Variants in OR2AJ1 observed in about 807,000 individuals in gnomAD.
OR2AJ1 encodes olfactory receptor 2AJ1.
For synonymous variants in OR2AJ1, 105 were observed against 60.3 expected, an observed-to-expected ratio of 1.74 and a Z score of -3.44; for missense variants, 280 against 163.2, an observed-to-expected ratio of 1.72 and a Z score of -3.90.
chr1:247,934,830 A>C lies in OR2AJ1; in HGVS notation c.*75A>C. 2 of 606,272 alleles carry C rather than the reference A, an allele frequency of 3.3e-6. No individual in the cohort carries two copies. Among genetic ancestry groups the C allele is most frequent in the Non-Finnish European group, 5.9e-6 (2 of 341,772 alleles). 37.6% of individuals were successfully genotyped at this position (606,272 alleles called of 1,614,324 possible). ...CTATCTTACCACATATAAGAAGTGA[A>C]TATTTCAGAAACATTGTTAATAATA... is the stretch of plus-strand genomic sequence containing the variant. On this transcript the variant is annotated 3_prime_UTR_variant, in exon 2 of 2. Coordinates refer to ENST00000318244, the MANE Select transcript of OR2AJ1 (RefSeq NM_001355235.2).
rs1434343802 is a variant in OR2AJ1, at chr1:247,934,664, C to T, written c.896C>T (p.Ala299Val). The change falls in exon 2 of 2, where the codon GCG becomes GTG. Residue 299 changes from alanine to valine, a missense_variant. By Grantham distance (64) the Ala-to-Val change is moderately conservative. Coordinates refer to ENST00000318244, the MANE Select transcript of OR2AJ1 (RefSeq NM_001355235.2). ...AGCTTTAGGAATAAAGATGTTCTGG[C>T]GGTGATGAAAAATATGCTCAAAAGT... ...IYSFRNKDVL[A>V]VMKNMLKSNF... The T allele has an allele frequency of 7.0e-6, 5 of 716,842 alleles. No homozygotes were observed. The highest frequency in any genetic ancestry group is 5.4e-5 in the East Asian group (2 of 37,282). The allele number at this position is 716,842 out of a possible 1,614,324, so 44.4% of individuals were successfully genotyped here.
chr1:247,931,208 T>A (rs746116981), intron 1 of OR2AJ1, among the ~76,000 whole-genome samples: 4 of 152,182 alleles, frequency 2.6e-5, no homozygotes, highest in Non-Finnish European at 4.4e-5. Flanking sequence ...CTCCAACATT[T>A]AATATTATTA....
chr1:247,926,936 G>A (rs1220432036), intron 1 of OR2AJ1, among the ~76,000 whole-genome samples: 1 of 152,200 alleles, frequency 6.6e-6, no homozygotes, highest in Non-Finnish European at 1.5e-5. Flanking sequence ...AGTGCTTGAT[G>A]AGGCTTGAGC....
At chr1:247,930,240 G>A (rs553671156) in intron 1 of OR2AJ1, among the ~76,000 whole-genome samples, 12 of 152,300 alleles carry the variant, frequency 7.9e-5, no homozygotes, top group African/African-American at 2.9e-4. Context: ...ACATTTGAAT[G>A]TCAAGTCATT....
intron 1 of OR2AJ1, among the ~76,000 whole-genome samples, chr1:247,931,818 T>C (rs1660155593): frequency 6.6e-6 from 1 of 152,330 alleles, no homozygotes; most frequent in East Asian, 1.9e-4. Context: ...GGAATTATGA[T>C]AATAAAGTAA....
At chr1:247,925,597 T>A (rs1299621870) in intron 1 of OR2AJ1, among the ~76,000 whole-genome samples, 1 of 151,234 alleles carries the variant, frequency 6.6e-6, no homozygotes, top group Non-Finnish European at 1.5e-5. Context: ...GCAAATTTTA[T>A]GAATTTTTTT....
In OR2AJ1 at chr1:247,934,145, T is replaced by C. The variant is rs2103007481; in HGVS notation, c.377T>C (p.Ile126Thr). 1 of 717,020 alleles carries C rather than the reference T, an allele frequency of 1.4e-6. No homozygotes were observed. Among genetic ancestry groups the C allele is most frequent in the Middle Eastern group, 2.3e-4 (1 of 4,376 alleles). The allele number at this position is 717,020 out of a possible 1,614,324, so 44.4% of individuals were successfully genotyped here. A position where few individuals can be genotyped will look rare whatever the true frequency, so the allele number is the denominator to read the frequency against. ...ATGTCCTGTGATCGCTATGTGGCTA[T>C]CTGTCACCCGCTGCGCTATCCGATT... is the stretch of plus-strand genomic sequence containing the variant. Reference protein sequence around the residue: ...AAMSCDRYVAICHPLRYPILM... With the variant: ...AAMSCDRYVATCHPLRYPILM... Residue 126 changes from isoleucine (I) to threonine (T), a missense_variant, in exon 2 of 2, where the codon ATC becomes ACC. Coordinates refer to ENST00000318244, the MANE Select transcript of OR2AJ1 (RefSeq NM_001355235.2).
Position 247,934,765 on chromosome 1 carries a change from G to C in OR2AJ1, c.*10G>C, listed in dbSNP as rs551863193. The C allele has an allele frequency of 9.2e-5, 62 of 677,554 alleles. No homozygotes were observed. The Middle Eastern group carries it at 1.4e-3, about 16-fold the overall frequency. The allele number at this position is 677,554 out of a possible 1,614,324, so 42.0% of individuals were successfully genotyped here. On this transcript the variant is annotated 3_prime_UTR_variant, in exon 2 of 2. Transcript: ENST00000318244. ...TCTATTTCTATGTTAAATGCCTGAA[G>C]GATACTCATGAGAGGTTTCCTAGAA...
chr1:247,933,839 G>C lies in OR2AJ1; in HGVS notation c.71G>C (p.Ser24Thr). 1 of 666,480 alleles carries C rather than the reference G, an allele frequency of 1.5e-6. No individual in the cohort carries two copies. The highest frequency in any genetic ancestry group is 2.8e-6 in the Non-Finnish European group (1 of 358,732). 41.3% of individuals were successfully genotyped at this position (666,480 alleles called of 1,614,324 possible). The change falls in exon 2 of 2, where the codon AGT becomes ACT. Residue 24 changes from serine (S) to threonine (T), a missense_variant. Transcript: ENST00000318244. Reference protein sequence around the residue: ...LLGLFSSSPTSVVFFLVLFVI... With the variant: ...LLGLFSSSPTTVVFFLVLFVI... ...GGATTGTTCTCTTCTTCCCCAACAA[G>C]TGTGGTCTTCTTCTTAGTTTTATTT...
At chr1:247,927,407 T>C (rs1200525825) in intron 1 of OR2AJ1, among the ~76,000 whole-genome samples, 2 of 151,964 alleles carry the variant, frequency 1.3e-5, no homozygotes, top group African/African-American at 4.8e-5. Flanking sequence ...TTGTACAAAT[T>C]TATGGGGTAC....
At chr1:247,929,599 GGTGTGTGTGT>G (rs1553341471) in intron 1 of OR2AJ1, among the ~76,000 whole-genome samples, 1 of 147,356 alleles carries the variant, frequency 6.8e-6, no homozygotes, top group East Asian at 2.0e-4. Context: ...CCCTTCACTC[GGTGTGTGTGT>G]GTGTGTGTGT....
At chr1:247,930,646 C>A (rs1477478610) in intron 1 of OR2AJ1, among the ~76,000 whole-genome samples, 1 of 152,036 alleles carries the variant, frequency 6.6e-6, no homozygotes, top group African/African-American at 2.4e-5. Context: ...GCTACATGTA[C>A]AAATATTTGG....
rs1297138093 is a variant in OR2AJ1 at position 247,928,416 on chromosome 1, A to G, written c.-23+3248A>G. On this transcript the variant is annotated intron_variant, in intron 1 of 1. Transcript: ENST00000318244. ...TACTATATATTAATCTTTTGTCAGA[A>G]GAATAATTTGCAAATATTTTCTTCA... 4.6e-5 allele frequency among the ~76,000 whole-genome samples: 7 copies of G among 152,182 alleles called. No individual in the cohort carries two copies. The East Asian group carries it at 1.3e-3, about 29-fold the overall frequency.
chr1:247,932,046 C>T (rs1040371155), intron 1 of OR2AJ1, among the ~76,000 whole-genome samples: 6 of 152,164 alleles, frequency 3.9e-5, no homozygotes, highest in East Asian at 1.9e-4. Flanking sequence ...ACAGTCAAAA[C>T]GGAAAGGAAT....
Position 247,926,610 on chromosome 1 carries a change from T to C in OR2AJ1, c.-23+1442T>C, listed in dbSNP as rs1198516062. On this transcript the variant is annotated intron_variant, in intron 1 of 1. Coordinates refer to ENST00000318244, the MANE Select transcript of OR2AJ1 (RefSeq NM_001355235.2). ...CAATTTGTGGCCAAATTCCTTCTAC[T>C]GCAGTCTCAATGGTCTAGGGGTTAC... Among the ~76,000 whole-genome samples the C allele has an allele frequency of 4.6e-5, 7 of 152,364 alleles. No homozygotes were observed. The East Asian group carries it at 1.3e-3, about 29-fold the overall frequency.
In OR2AJ1 at chr1:247,934,968, G is replaced by T. The variant is rs185816473; in HGVS notation, c.*213G>T. 9.1e-6 allele frequency: 4 copies of T among 439,250 alleles called. No individual in the cohort carries two copies. In the East Asian group the frequency reaches 1.1e-4, roughly 12 times the overall value. 27.2% of individuals were successfully genotyped at this position (439,250 alleles called of 1,614,324 possible). A position where few individuals can be genotyped will look rare whatever the true frequency, so the allele number is the denominator to read the frequency against. ...ACAGGAAGTAGAAGTTACCCAAGGC[G>T]TCCTATTCCCTAACACCAAAATTGT... On this transcript the variant is annotated 3_prime_UTR_variant, in exon 2 of 2. Coordinates refer to ENST00000318244, the MANE Select transcript of OR2AJ1 (RefSeq NM_001355235.2).
chr1:247,933,310 G>A (rs1660174109), intron 1 of OR2AJ1, among the ~76,000 whole-genome samples: 1 of 152,196 alleles, frequency 6.6e-6, no homozygotes, highest in African/African-American at 2.4e-5. Flanking sequence ...TAACCAGTGT[G>A]TTTATTATTT....
At chr1:247,930,438 T>A (rs978692113) in intron 1 of OR2AJ1, among the ~76,000 whole-genome samples, 2 of 152,160 alleles carry the variant, frequency 1.3e-5, no homozygotes, top group Non-Finnish European at 2.9e-5. Flanking sequence ...CAGAAGGATT[T>A]GAGTGTAGTG....
At chr1:247,933,331 A>G (rs904306944) in intron 1 of OR2AJ1, among the ~76,000 whole-genome samples, 3 of 152,206 alleles carry the variant, frequency 2.0e-5, no homozygotes, top group African/African-American at 7.2e-5. Flanking sequence ...AATGTACTAG[A>G]AGGTGAAAAG....
Sources: allele counts gnomAD v4.1 joint callset (sites outside exome capture counted in the v4.1 genomes callset), GRCh38; gene constraint gnomAD v4.1.1; transcripts MANE v1.5; gene names NCBI Gene and HGNC (gene_info 2026-07-23, HGNC 2026-07-21).